The following IFTAP variants were observed in gnomAD, a reference collection of about 807,000 sequenced individuals.
IFTAP encodes intraflagellar transport-associated protein.
In IFTAP, 19 loss-of-function variants were observed where a neutral mutation model predicts 19.4. That is an observed-to-expected ratio of 0.98 (90% CI 0.68 to 1.44). IFTAP has a LOEUF of 1.44. Ranked by LOEUF, IFTAP falls within the 40% of genes most tolerant of loss-of-function variation. The probability of loss-of-function intolerance (pLI) is 0.00; values close to 1 mark genes in which losing one functional copy is unlikely to be tolerated. For synonymous variants in IFTAP, 85 were observed against 83.5 expected, an observed-to-expected ratio of 1.02 and a Z score of -0.10; for missense variants, 240 against 253.6, an observed-to-expected ratio of 0.95 and a Z score of 0.36.
chr11:36,604,706 A>G (rs1056566000), intron 1 of IFTAP, among the ~76,000 whole-genome samples: 1 of 152,094 alleles, frequency 6.6e-6, no homozygotes, highest in Non-Finnish European at 1.5e-5. Flanking sequence ...TAAAGTTCAT[A>G]ATCATGAGCA....
At chr11:36,640,403 G>A (rs1275316162) in intron 4 of IFTAP, among the ~76,000 whole-genome samples, 1 of 152,080 alleles carries the variant, frequency 6.6e-6, no homozygotes, top group Non-Finnish European at 1.5e-5. Context: ...TTATTCTTAA[G>A]TATACCTCTT....
intron 2 of IFTAP, among the ~76,000 whole-genome samples, chr11:36,611,754 GCTGA>G (rs1294334166): frequency 1.3e-5 from 2 of 151,894 alleles, no homozygotes; most frequent in Non-Finnish European, 2.9e-5. Context: ...TAACTTTGAC[GCTGA>G]CTGTGAATGA....
chr11:36,651,376 G>A (rs141153142), intron 5 of IFTAP, among the ~76,000 whole-genome samples: 20,628 of 152,124 alleles, frequency 0.14, 2,148 homozygotes, highest in African/African-American at 0.29. Context: ...GTCTGTTCAT[G>A]TCCTTCACCC....
intron 1 of IFTAP, among the ~76,000 whole-genome samples, chr11:36,595,617 A>G (rs975021850): frequency 1.5e-4 from 23 of 152,374 alleles, no homozygotes; most frequent in Non-Finnish European, 5.9e-5. Flanking sequence ...TGGGCAAGTT[A>G]TGTAACCTCT....
At chr11:36,631,714 G>C (rs1453361268) in intron 2 of IFTAP, among the ~76,000 whole-genome samples, 1 of 151,210 alleles carries the variant, frequency 6.6e-6, no homozygotes, top group East Asian at 1.9e-4. Flanking sequence ...GTAGAGGCTA[G>C]TAAGGGGATG....
chr11:36,602,047 C>G (rs188437984), intron 1 of IFTAP, among the ~76,000 whole-genome samples: 1 of 152,174 alleles, frequency 6.6e-6, no homozygotes, highest in East Asian at 1.9e-4. Context: ...TACATTGAGG[C>G]AAAATTGCAA....
intron 4 of IFTAP, among the ~76,000 whole-genome samples, chr11:36,640,822 A>G (rs923658776): frequency 1.3e-5 from 2 of 152,208 alleles, no homozygotes; most frequent in African/African-American, 2.4e-5. Flanking sequence ...TGGAAGATCT[A>G]CATAACACAG....
Position 36,629,086 on chromosome 11 carries a change from C to G in IFTAP, c.137-4198C>G, listed in dbSNP as rs563739967. 5.3e-5 allele frequency among the ~76,000 whole-genome samples: 8 copies of G among 151,388 alleles called. No homozygotes were observed. The South Asian group carries it at 6.2e-4, about 12-fold the overall frequency. ...TTTTAAATTGCTTATTTAGTTCGAA[C>G]GACTATCGCTCCAGGGGAGGCCAGA... On this transcript the variant is annotated intron_variant, in intron 2 of 5. Coordinates refer to ENST00000334307, the MANE Select transcript of IFTAP (RefSeq NM_138787.4).
chr11:36,638,808 T>C (rs1301211988), intron 4 of IFTAP, among the ~76,000 whole-genome samples: 1 of 152,266 alleles, frequency 6.6e-6, no homozygotes, highest in Non-Finnish European at 1.5e-5. Context: ...CCATTGACTT[T>C]ATTTGTTCAC....
chr11:36,595,942 G>A (rs891829014), intron 1 of IFTAP, among the ~76,000 whole-genome samples: 1 of 151,572 alleles, frequency 6.6e-6, no homozygotes, highest in Middle Eastern at 3.4e-3. Context: ...TGAGGGTGCT[G>A]GTAGTAGTTA....
intron 2 of IFTAP, among the ~76,000 whole-genome samples, chr11:36,613,407 T>C (rs965350459): frequency 2.0e-5 from 3 of 152,094 alleles, no homozygotes; most frequent in Non-Finnish European, 4.4e-5. Flanking sequence ...AATTAATTCA[T>C]TAATTAATTC....
intron 5 of IFTAP, among the ~76,000 whole-genome samples, chr11:36,655,022 A>G (rs1341670481): frequency 2.6e-5 from 4 of 152,148 alleles, no homozygotes; most frequent in African/African-American, 9.7e-5. Flanking sequence ...TAGGTACTTA[A>G]TAAAAATTTA....
At chr11:36,633,262 A>G in intron 2 of IFTAP, 22 bp from the exon 3 acceptor site, 2 of 1,471,218 alleles carry the variant, frequency 1.4e-6, no homozygotes, top group Non-Finnish European at 1.8e-6. Flanking sequence ...GTTTTCTAAT[A>G]GTGCATAACT....
At chr11:36,635,946 T>G in intron 3 of IFTAP, 105 bp from the exon 4 acceptor site, 1 of 742,134 alleles carries the variant, frequency 1.3e-6, no homozygotes, top group Non-Finnish European at 2.4e-6. Flanking sequence ...GAAAAGTGGA[T>G]TCAGCTGCTC....
intron 2 of IFTAP, among the ~76,000 whole-genome samples, chr11:36,624,763 C>T (rs1163516319): frequency 6.6e-6 from 1 of 151,992 alleles, no homozygotes; most frequent in Non-Finnish European, 1.5e-5. Context: ...TCATCCTGGA[C>T]CATGTGGAGA....
rs770865857 is a variant in IFTAP, at chr11:36,610,064, AT to A, written c.-23-12del. 2 of 1,604,294 alleles carry A rather than the reference AT, an allele frequency of 1.2e-6. No individual in the cohort carries two copies. Among genetic ancestry groups the A allele is most frequent in the Non-Finnish European group, 1.7e-6 (2 of 1,174,802 alleles). ...TATTGCCTGATTCTCTCTAGCTGGT[AT>A]TTTTCTGTCTTGCAGATACTGTGGC... On this transcript the variant is annotated splice_polypyrimidine_tract_variant and intron_variant, in intron 1 of 5. Coordinates refer to ENST00000334307, the MANE Select transcript of IFTAP (RefSeq NM_138787.4).
chr11:36,602,041 T>C (rs1851528696), intron 1 of IFTAP, among the ~76,000 whole-genome samples: 1 of 152,200 alleles, frequency 6.6e-6, no homozygotes, highest in African/African-American at 2.4e-5. Context: ...GTTTTGTACA[T>C]TGAGGCAAAA....
At chr11:36,635,271 A>G (rs917282308) in intron 3 of IFTAP, among the ~76,000 whole-genome samples, 2 of 152,202 alleles carry the variant, frequency 1.3e-5, no homozygotes, top group Admixed American at 1.3e-4. Flanking sequence ...ACTAGGTCTC[A>G]TTCATGCCAG....
intron 2 of IFTAP, among the ~76,000 whole-genome samples, chr11:36,633,028 T>C (rs959072940): frequency 1.3e-5 from 2 of 151,266 alleles, no homozygotes; most frequent in African/African-American, 2.5e-5. Flanking sequence ...ATTAACTTTT[T>C]AACAGCGACC....
Sources: allele counts gnomAD v4.1 joint callset (sites outside exome capture counted in the v4.1 genomes callset), GRCh38; gene constraint gnomAD v4.1.1; transcripts MANE v1.5; gene names NCBI Gene and HGNC (gene_info 2026-07-23, HGNC 2026-07-21).